Variants in NPAS3 observed in about 807,000 individuals in gnomAD.
NPAS3 encodes the protein neuronal PAS domain-containing protein 3.
A neutral mutation model predicts 73.1 loss-of-function variants in NPAS3; 14 were observed. The observed-to-expected ratio is 0.19, with a 90% CI of 0.13 to 0.30. NPAS3 has a LOEUF of 0.30. Ranked by LOEUF, NPAS3 falls within the 10% of genes least tolerant of loss-of-function variation. NPAS3 has a pLI of 1.00. For synonymous variants in NPAS3, 620 were observed against 541.5 expected (o/e 1.14, Z -2.01); for missense variants, 1,096 against 1,250.0 (o/e 0.88, Z 1.86).
At chr14:33,116,643 C>T (rs549376130) in intron 2 of NPAS3, among the ~76,000 whole-genome samples, 17 of 152,010 alleles carry the variant, frequency 1.1e-4, no homozygotes, top group Admixed American at 4.6e-4. Context: ...TACTGGTGGA[C>T]GTGAATTTAC....
At chr14:33,348,174 T>C (rs1239983913) in intron 3 of NPAS3, among the ~76,000 whole-genome samples, 1 of 152,194 alleles carries the variant, frequency 6.6e-6, no homozygotes, top group Non-Finnish European at 1.5e-5. Flanking sequence ...CTCAGTAACT[T>C]GCCCCATATC....
chr14:33,469,371 C>A (rs924622943), intron 4 of NPAS3, among the ~76,000 whole-genome samples: 1 of 150,846 alleles, frequency 6.6e-6, no homozygotes, highest in African/African-American at 2.4e-5. Flanking sequence ...TATAAATATT[C>A]ACTCATTAAA....
intron 6 of NPAS3, among the ~76,000 whole-genome samples, chr14:33,713,672 G>A (rs1000727859): frequency 6.6e-6 from 1 of 152,122 alleles, no homozygotes; most frequent in African/African-American, 2.4e-5. Flanking sequence ...CCTGCACTGC[G>A]GCAGCAGCCT....
chr14:33,328,211 C>G (rs2043797430), intron 3 of NPAS3, among the ~76,000 whole-genome samples: 1 of 151,880 alleles, frequency 6.6e-6, no homozygotes, highest in African/African-American at 2.4e-5. Flanking sequence ...CTGAGCTGGG[C>G]CCCAAGGGAT....
intron 5 of NPAS3, among the ~76,000 whole-genome samples, chr14:33,577,029 GCAAGGC>G (rs796671601): frequency 4.6e-5 from 7 of 152,290 alleles, no homozygotes; most frequent in African/African-American, 1.7e-4. Context: ...TCTTCAACTT[GCAAGGC>G]CAAAGCCATG....
At chr14:33,726,581 G>T (rs2061272392) in intron 6 of NPAS3, among the ~76,000 whole-genome samples, 1 of 152,012 alleles carries the variant, frequency 6.6e-6, no homozygotes, top group Non-Finnish European at 1.5e-5. Context: ...ACCAAAATGT[G>T]GCTCCCATCA....
chr14:33,572,313 G>T (rs189437465), intron 5 of NPAS3, among the ~76,000 whole-genome samples: 4 of 151,990 alleles, frequency 2.6e-5, no homozygotes, highest in Admixed American at 1.3e-4. Flanking sequence ...AATTTAAAAG[G>T]CTTTAGAACA....
At chr14:33,657,791 A>C (rs571150806) in intron 5 of NPAS3, among the ~76,000 whole-genome samples, 52 of 46,012 alleles carry the variant, frequency 1.1e-3, no homozygotes, top group African/African-American at 4.8e-3. Flanking sequence ...AGATTATGTA[A>C]AAAAAAAAAA....
chr14:32,983,758 T>C (rs902385295), intron 1 of NPAS3, among the ~76,000 whole-genome samples: 21 of 152,038 alleles, frequency 1.4e-4, no homozygotes, highest in Non-Finnish European at 1.5e-5. Flanking sequence ...GTCTTGCTCT[T>C]TCACCCAGGC....
intron 3 of NPAS3, among the ~76,000 whole-genome samples, chr14:33,239,645 TTGAGGGATATAGAACATC>T (rs2048153700): frequency 6.6e-6 from 1 of 151,854 alleles, no homozygotes; most frequent in East Asian, 1.9e-4. Flanking sequence ...TTTTCAACAC[TTGAGGGATATAGAACATC>T]TGACTGCTGT....
chr14:33,666,059 A>T (rs953742799), intron 5 of NPAS3, among the ~76,000 whole-genome samples: 1 of 152,174 alleles, frequency 6.6e-6, no homozygotes, highest in African/African-American at 2.4e-5. Context: ...GAGATAGGAC[A>T]TTTCCTATAA....
intron 6 of NPAS3, among the ~76,000 whole-genome samples, chr14:33,678,404 C>T (rs1417480393): frequency 6.6e-6 from 1 of 152,144 alleles, no homozygotes; most frequent in Admixed American, 6.6e-5. Context: ...TACATCAGAT[C>T]CTCCTTTCCT....
intron 2 of NPAS3, among the ~76,000 whole-genome samples, chr14:33,133,643 T>C (rs986589865): frequency 1.5e-4 from 23 of 152,372 alleles, no homozygotes; most frequent in African/African-American, 5.3e-4. Flanking sequence ...TTATACCTAT[T>C]GTAAACTTGT....
At chr14:32,981,256 A>C (rs968409646) in intron 1 of NPAS3, among the ~76,000 whole-genome samples, 1 of 152,242 alleles carries the variant, frequency 6.6e-6, no homozygotes, top group African/African-American at 2.4e-5. Flanking sequence ...CACCAGATGC[A>C]AAATCCATTC....
chr14:33,796,966 A>G (rs1168085331), intron 10 of NPAS3, among the ~76,000 whole-genome samples: 2 of 151,944 alleles, frequency 1.3e-5, no homozygotes, highest in African/African-American at 2.4e-5. Flanking sequence ...TGCATCTGTC[A>G]GATAGGCACC....
At chr14:33,529,835 T>C (rs2180954) in intron 4 of NPAS3, among the ~76,000 whole-genome samples, 1 of 151,704 alleles carries the variant, frequency 6.6e-6, no homozygotes, top group Non-Finnish European at 1.5e-5. Flanking sequence ...CCGTTTCACT[T>C]GGGAATAAAA....
rs967884034 is a variant in NPAS3, at chr14:33,559,110, G to A, written c.469-1011G>A. Among the ~76,000 whole-genome samples the A allele has an allele frequency of 1.1e-4, 17 of 152,152 alleles. 1 individual carries two copies. Among genetic ancestry groups the A allele is most frequent in the Admixed American group, 1.1e-3 (17 of 15,284 alleles). Reference sequence around the variant, plus strand: ...CCCTCCATTTGGAAAGTGGACTGAGGTTTTAGGAGTTACAGATGATGTGTA... The same window carrying A: ...CCCTCCATTTGGAAAGTGGACTGAGATTTTAGGAGTTACAGATGATGTGTA... On this transcript the variant is annotated intron_variant, in intron 4 of 11. Coordinates refer to ENST00000356141, the Ensembl canonical transcript of NPAS3.
chr14:33,792,494 G>T (rs1462176184), intron 9 of NPAS3, among the ~76,000 whole-genome samples: 1 of 151,250 alleles, frequency 6.6e-6, no homozygotes, highest in Non-Finnish European at 1.5e-5. Flanking sequence ...AGGAAGAGTG[G>T]CTCAGGACAA....
At chr14:33,642,067 A>G (rs1394697907) in intron 5 of NPAS3, among the ~76,000 whole-genome samples, 1 of 152,176 alleles carries the variant, frequency 6.6e-6, no homozygotes, top group Non-Finnish European at 1.5e-5. Flanking sequence ...AAAATTGACC[A>G]CAACTACAAA....
Sources: allele counts gnomAD v4.1 joint callset (sites outside exome capture counted in the v4.1 genomes callset), GRCh38; gene constraint gnomAD v4.1.1; transcripts MANE v1.5; gene names NCBI Gene and HGNC (gene_info 2026-07-23, HGNC 2026-07-21).